The following SCGB2B2 variants were observed in gnomAD, a reference collection of about 807,000 sequenced individuals.
SCGB2B2 encodes secretoglobin-like protein.
A neutral mutation model predicts 7.6 loss-of-function variants in SCGB2B2; 11 were observed. The ratio of observed to expected loss-of-function variants is 1.45; its 90% CI spans 0.91 to 2.40. SCGB2B2 has a LOEUF of 2.40. Among genes scored for constraint, SCGB2B2 ranks in the 30% most tolerant of loss-of-function variants. The probability of loss-of-function intolerance (pLI) is 0.00; values close to 1 mark genes in which losing one functional copy is unlikely to be tolerated. For synonymous variants in SCGB2B2, 50 were observed against 48.6 expected (o/e 1.03, Z -0.12); for missense variants, 104 against 115.4 (o/e 0.90, Z 0.45).
At chr19:34,589,930 C>A (rs2065260471), downstream of SCGB2B2, among the ~76,000 whole-genome samples, 1 of 152,090 alleles carries the variant, frequency 6.6e-6, no homozygotes, top group Non-Finnish European at 1.5e-5. Flanking sequence ...TGGCCTGGAG[C>A]CCAGGGAGTT....
At chr19:34,661,891 A>AT (rs1017951878) in intron 1 of SCGB2B2, among the ~76,000 whole-genome samples, 1 of 151,142 alleles carries the variant, frequency 6.6e-6, no homozygotes, top group Non-Finnish European at 1.5e-5. Flanking sequence ...ATTTAATTTA[A>AT]TTTTTTTGAG....
chr19:34,651,150 A>AT (rs1235976593), intron 1 of SCGB2B2, among the ~76,000 whole-genome samples: 1 of 151,462 alleles, frequency 6.6e-6, no homozygotes, highest in Non-Finnish European at 1.5e-5. Context: ...ATCATAGTGA[A>AT]TAGGGAGAAG....
intron 1 of SCGB2B2, among the ~76,000 whole-genome samples, chr19:34,627,540 A>C (rs976716827): frequency 8.5e-5 from 13 of 152,246 alleles, no homozygotes; most frequent in African/African-American, 3.1e-4. Flanking sequence ...ATAATGGTAA[A>C]GGGATCAATT....
intron 1 of SCGB2B2, among the ~76,000 whole-genome samples, chr19:34,643,293 T>C (rs1272717486): frequency 6.6e-6 from 1 of 152,192 alleles, no homozygotes; most frequent in African/African-American, 2.4e-5. Flanking sequence ...TGGAGAAAAT[T>C]ATGTTATTTG....
chr19:34,640,132 A>AT (rs2066799636), intron 1 of SCGB2B2, among the ~76,000 whole-genome samples: 1 of 152,180 alleles, frequency 6.6e-6, no homozygotes, highest in Non-Finnish European at 1.5e-5. Context: ...TTTATTTGAG[A>AT]TAAGGTCTTG....
intron 1 of SCGB2B2, among the ~76,000 whole-genome samples, chr19:34,633,386 A>G (rs905325816): frequency 2.0e-5 from 3 of 152,234 alleles, no homozygotes; most frequent in Non-Finnish European, 4.4e-5. Flanking sequence ...ATGTCCTTTA[A>G]CAAATGAGCA....
chr19:34,638,026 G>A (rs532596948), intron 1 of SCGB2B2: 1 of 152,260 alleles, frequency 6.6e-6, no homozygotes, highest in Admixed American at 6.5e-5. Flanking sequence ...AGTGATAAAG[G>A]GAGACCATTT....
At chr19:34,631,022 C>G (rs1186585078) in intron 1 of SCGB2B2, among the ~76,000 whole-genome samples, 1 of 149,434 alleles carries the variant, frequency 6.7e-6, no homozygotes, top group East Asian at 2.0e-4. Context: ...GGACAAAAAA[C>G]CAAACACTGT....
chr19:34,644,332 C>A (rs962584832), intron 1 of SCGB2B2, among the ~76,000 whole-genome samples: 4 of 150,672 alleles, frequency 2.7e-5, no homozygotes, highest in Non-Finnish European at 5.9e-5. Context: ...CCTTGCCCAG[C>A]CCCAGCCTTG....
chr19:34,643,352 G>A (rs2146021319), intron 1 of SCGB2B2, among the ~76,000 whole-genome samples: 1 of 152,310 alleles, frequency 6.6e-6, no homozygotes, highest in South Asian at 2.1e-4. Context: ...TCAATCATGT[G>A]TGGGAGCTAG....
At chr19:34,668,208 G>C (rs2067690851) in intron 1 of SCGB2B2, among the ~76,000 whole-genome samples, 1 of 152,192 alleles carries the variant, frequency 6.6e-6, no homozygotes, top group Admixed American at 6.5e-5. Flanking sequence ...AGGCGCGAGC[G>C]GGAACCGGGG....
intron 1 of SCGB2B2, among the ~76,000 whole-genome samples, chr19:34,643,746 G>A (rs569077325): frequency 7.0e-4 from 107 of 152,076 alleles, no homozygotes; most frequent in Middle Eastern, 6.8e-3. Context: ...ATGGTAAAAG[G>A]AGAACATTAG....
intron 1 of SCGB2B2, among the ~76,000 whole-genome samples, chr19:34,637,420 G>GA (rs1214099673): frequency 3.3e-5 from 5 of 152,140 alleles, no homozygotes; most frequent in African/African-American, 1.2e-4. Flanking sequence ...GCAGCTCCTG[G>GA]AAAAAAGCGG....
chr19:34,600,553 G>T lies in SCGB2B2; in HGVS notation c.-2031-3959C>A, dbSNP rs570612499. On this transcript the variant is annotated intron_variant, in intron 1 of 3. Coordinates refer to ENST00000601241, the MANE Select transcript of SCGB2B2 (RefSeq NM_001025591.4). ...CTCTAGATTGCCACAATCTGGTATC[G>T]TCAGTGTTGTGTGAACCATCTGGTA... is the stretch of plus-strand genomic sequence containing the variant. Among the ~76,000 whole-genome samples the T allele has an allele frequency of 3.9e-5, 6 of 152,292 alleles. No individual in the cohort carries two copies. The East Asian group carries it at 9.6e-4, about 24-fold the overall frequency.
chr19:34,593,553 G>T lies in SCGB2B2; in HGVS notation c.*2C>A, dbSNP rs749227461. The T allele has an allele frequency of 1.9e-6, 3 of 1,551,940 alleles. No individual in the cohort carries two copies. Among genetic ancestry groups the T allele is most frequent in the Non-Finnish European group, 2.6e-6 (3 of 1,147,002 alleles). On this transcript the variant is annotated 3_prime_UTR_variant, in exon 4 of 4. Transcript: ENST00000601241. ...AATATCTGATCTGCAGGGGTCCTCA[G>T]ATCAGAAGGCTGCTTCTATGCAATC...
At chr19:34,631,573 TA>T (rs1466398843) in intron 1 of SCGB2B2, among the ~76,000 whole-genome samples, 1 of 21,484 alleles carries the variant, frequency 4.7e-5, no homozygotes. Context: ...ATTTGCAGGA[TA>T]TATACACTGA....
At position 34,592,546 on chromosome 19, in the gene SCGB2B2, G is replaced by A. The variant is rs919068559; in HGVS notation, c.*1009C>T. 2.6e-5 allele frequency among the ~76,000 whole-genome samples: 4 copies of A among 152,204 alleles called. No individual in the cohort carries two copies. The highest frequency in any genetic ancestry group is 1.9e-4 in the East Asian group (1 of 5,162). ...GAGCTGATAGGGGTAGGCGACCACC[G>A]CCTGGGAGGTCCAAGGAGCCTGCGG... On this transcript the variant is annotated 3_prime_UTR_variant, in exon 4 of 4. Transcript: ENST00000601241.
chr19:34,616,908 A>G (rs1459072337), intron 1 of SCGB2B2, among the ~76,000 whole-genome samples: 5 of 152,206 alleles, frequency 3.3e-5, no homozygotes, highest in Admixed American at 2.0e-4. Flanking sequence ...ACATATGGCT[A>G]GCCAGTTTTC....
chr19:34,606,542 C>A, intron 1 of SCGB2B2, among the ~76,000 whole-genome samples: 1 of 148,768 alleles, frequency 6.7e-6, no homozygotes, highest in African/African-American at 2.5e-5. Context: ...GGTGAGGACA[C>A]TTACTTAAGA....
Sources: allele counts gnomAD v4.1 joint callset (sites outside exome capture counted in the v4.1 genomes callset), GRCh38; gene constraint gnomAD v4.1.1; transcripts MANE v1.5; gene names NCBI Gene and HGNC (gene_info 2026-07-23, HGNC 2026-07-21).